Variants in KIAA1328 observed in about 807,000 individuals in gnomAD.
KIAA1328 encodes protein hinderin.
KIAA1328 carries 52 observed loss-of-function variants against 68.1 expected under a neutral mutation model. The ratio of observed to expected loss-of-function variants is 0.76; its 90% confidence interval spans 0.61 to 0.96. KIAA1328 has a LOEUF of 0.96. Among genes scored for constraint, KIAA1328 ranks in the 40% least tolerant of loss-of-function variants. KIAA1328 has a pLI of 0.00. For synonymous variants in KIAA1328, 232 were observed against 239.4 expected, an observed-to-expected ratio of 0.97 and a Z score of 0.28; for missense variants, 641 against 677.6, an observed-to-expected ratio of 0.95 and a Z score of 0.60.
chr18:36,856,675 A>T (rs763451315), intron 4 of KIAA1328, among the ~76,000 whole-genome samples: 4 of 152,112 alleles, frequency 2.6e-5, no homozygotes, highest in African/African-American at 9.7e-5. Flanking sequence ...AGCTATCTCA[A>T]TGTAGCTTTC....
intron 5 of KIAA1328, among the ~76,000 whole-genome samples, chr18:36,887,113 T>TC (rs1556809629): frequency 9.9e-6 from 1 of 100,744 alleles, no homozygotes; most frequent in African/African-American, 3.1e-5. Context: ...CAACTTTCTC[T>TC]TTTTTTTTTT....
At chr18:37,080,285 G>A (rs2056905726) in intron 7 of KIAA1328, among the ~76,000 whole-genome samples, 1 of 152,136 alleles carries the variant, frequency 6.6e-6, no homozygotes, top group African/African-American at 2.4e-5. Flanking sequence ...GAAAGTGGTT[G>A]GCATTTGACT....
chr18:37,200,334 T>G (rs2060084559), intron 9 of KIAA1328, among the ~76,000 whole-genome samples: 2 of 152,342 alleles, frequency 1.3e-5, no homozygotes, highest in Non-Finnish European at 2.9e-5. Context: ...CATCGAATAG[T>G]GATTGACTAT....
intron 6 of KIAA1328, among the ~76,000 whole-genome samples, chr18:37,066,061 A>G (rs2056326902): frequency 6.6e-6 from 1 of 152,162 alleles, no homozygotes; most frequent in South Asian, 2.1e-4. Context: ...AACTCTGGGG[A>G]TGAAGCTATA....
chr18:36,889,301 A>G (rs1005644362), intron 5 of KIAA1328, among the ~76,000 whole-genome samples: 1 of 152,230 alleles, frequency 6.6e-6, no homozygotes, highest in African/African-American at 2.4e-5. Context: ...ACTTAAAGAG[A>G]AATATGTACA....
intron 6 of KIAA1328, among the ~76,000 whole-genome samples, chr18:36,967,523 T>A (rs905809579): frequency 6.6e-6 from 1 of 152,210 alleles, no homozygotes; most frequent in Non-Finnish European, 1.5e-5. Flanking sequence ...TTTAAGCTGT[T>A]GCATTTATGG....
At chr18:36,998,682 C>T (rs2053483510) in intron 6 of KIAA1328, among the ~76,000 whole-genome samples, 1 of 152,104 alleles carries the variant, frequency 6.6e-6, no homozygotes, top group Non-Finnish European at 1.5e-5. Flanking sequence ...CCATTTACAG[C>T]CAAAGAAATC....
Position 37,223,750 on chromosome 18 carries a change from C to T in KIAA1328, c.*1523C>T. The T allele has an allele frequency of 1.0e-6, 1 of 985,366 alleles. No individual in the cohort carries two copies. The highest frequency in any genetic ancestry group is 1.2e-6 in the Non-Finnish European group (1 of 829,918). The allele number at this position is 985,366 out of a possible 1,614,324, so 61.0% of individuals were successfully genotyped here. A position where few individuals can be genotyped will look rare whatever the true frequency, so the allele number is the denominator to read the frequency against. On this transcript the variant is annotated 3_prime_UTR_variant, in exon 10 of 10. Coordinates refer to ENST00000280020, the MANE Select transcript of KIAA1328 (RefSeq NM_020776.3). ...AAGCCTTGTTGAGCAGCCTCCTTAT[C>T]CAGATAGATCCAAAGCTCATGTCTC...
chr18:37,054,913 A>G (rs536083727), intron 6 of KIAA1328, among the ~76,000 whole-genome samples: 14 of 152,310 alleles, frequency 9.2e-5, no homozygotes, highest in African/African-American at 3.1e-4. Context: ...CTGTTCTGAC[A>G]TTTGGTAGGT....
At chr18:37,036,276 C>T (rs2055024495) in intron 6 of KIAA1328, among the ~76,000 whole-genome samples, 1 of 152,200 alleles carries the variant, frequency 6.6e-6, no homozygotes, top group Admixed American at 6.5e-5. Flanking sequence ...AGGAAAGAAG[C>T]AGTTTGTCCT....
intron 9 of KIAA1328, 37 bp from the exon 10 acceptor site, chr18:37,221,980 A>T (rs1163563107): frequency 6.3e-7 from 1 of 1,591,264 alleles, no homozygotes; most frequent in Non-Finnish European, 8.6e-7. Context: ...TTTTCTAATA[A>T]TCTGATCCTT....
At position 37,013,680 on chromosome 18, in the gene KIAA1328, T is replaced by G. The variant is rs148448046; in HGVS notation, c.577-53210T>G. On this transcript the variant is annotated intron_variant, in intron 6 of 9. Coordinates refer to ENST00000280020, the MANE Select transcript of KIAA1328 (RefSeq NM_020776.3). ...GTTTCTGCAAAGGACATGATTCCAT[T>G]CTTTTTATGGCTGTGAGGTATCCCA... 1.4e-4 allele frequency among the ~76,000 whole-genome samples: 21 copies of G among 152,302 alleles called. No individual in the cohort carries two copies. In the East Asian group the frequency reaches 4.1e-3, roughly 29 times the overall value.
intron 6 of KIAA1328, among the ~76,000 whole-genome samples, chr18:37,003,428 A>G (rs1358252647): frequency 6.6e-6 from 1 of 152,098 alleles, no homozygotes; most frequent in African/African-American, 2.4e-5. Flanking sequence ...AATATTTGCT[A>G]ACTGTTCACC....
At chr18:37,027,837 G>A (rs938774700) in intron 6 of KIAA1328, among the ~76,000 whole-genome samples, 28 of 152,014 alleles carry the variant, frequency 1.8e-4, no homozygotes, top group African/African-American at 6.8e-4. Context: ...AACACCAAAA[G>A]CAATGGCAAC....
In KIAA1328 at chr18:36,893,449, G is replaced by GTT. The variant is rs1197577651; in HGVS notation, c.448+7778_448+7779insTT. Among the ~76,000 whole-genome samples, 4 of 138,990 alleles carry GTT rather than the reference G, an allele frequency of 2.9e-5. No homozygotes were observed. In the Admixed American group the frequency reaches 3.1e-4, roughly 11 times the overall value. The allele number at this position is 138,990 out of a possible 152,430, so 91.2% of individuals were successfully genotyped here. ...CACCTGGCTATTTGTGTGTGTGTGT[G>GTT]TGTGTGTGTGTGTTTTTGTGTGTGT... is the stretch of plus-strand genomic sequence containing the variant. On this transcript the variant is annotated intron_variant, in intron 5 of 9. Transcript: ENST00000280020.
At chr18:37,120,091 T>G (rs894213700) in intron 7 of KIAA1328, among the ~76,000 whole-genome samples, 1 of 152,124 alleles carries the variant, frequency 6.6e-6, no homozygotes, top group Non-Finnish European at 1.5e-5. Context: ...AATCTAAAAC[T>G]CTTCCAAAAT....
chr18:37,076,931 C>T (rs1314961438), intron 7 of KIAA1328, among the ~76,000 whole-genome samples: 1 of 152,148 alleles, frequency 6.6e-6, no homozygotes, highest in African/African-American at 2.4e-5. Context: ...ACCATTCCTT[C>T]TGAAACTATT....
intron 8 of KIAA1328, among the ~76,000 whole-genome samples, chr18:37,166,243 A>G (rs2059386904): frequency 1.3e-5 from 2 of 152,102 alleles, no homozygotes; most frequent in African/African-American, 4.8e-5. Flanking sequence ...AGATTTACAG[A>G]AACAAAACCA....
At chr18:37,095,675 G>A (rs922203992) in intron 7 of KIAA1328, among the ~76,000 whole-genome samples, 1 of 151,898 alleles carries the variant, frequency 6.6e-6, no homozygotes, top group Admixed American at 6.6e-5. Context: ...ATGAAATATG[G>A]GCTAAACAAA....
Sources: gnomAD v4.1 joint callset for allele counts (sites outside exome capture counted in the v4.1 genomes callset) on GRCh38, gnomAD v4.1.1 for gene constraint, MANE v1.5 for transcripts, NCBI Gene and HGNC (gene_info 2026-07-23, HGNC 2026-07-21) for gene names.